Variants in SMIM14 observed in about 807,000 individuals in gnomAD.
The protein encoded by SMIM14 is chromosome 4 open reading frame 34.
Under a neutral mutation model 12.6 loss-of-function variants are expected in SMIM14, and 5 were observed. That is an observed-to-expected ratio of 0.40 (90% CI 0.21 to 0.83). The LOEUF is 0.83. Among genes scored for constraint, SMIM14 ranks in the 40% least tolerant of loss-of-function variants. The pLI, the probability that SMIM14 is intolerant of heterozygous loss-of-function variation, is 0.37. For synonymous variants in SMIM14, 30 were observed against 40.1 expected, an observed-to-expected ratio of 0.75 and a Z score of 0.95; for missense variants, 86 against 119.1, an observed-to-expected ratio of 0.72 and a Z score of 1.29.
chr4:39,577,357 G>A (rs1713257296), intron 2 of SMIM14, among the ~76,000 whole-genome samples: 1 of 151,936 alleles, frequency 6.6e-6, no homozygotes, highest in African/African-American at 2.4e-5. Context: ...AAAAGCAGGA[G>A]TCAAATTATG....
intron 3 of SMIM14, among the ~76,000 whole-genome samples, chr4:39,557,066 G>A (rs374039355): frequency 1.4e-5 from 2 of 147,866 alleles, no homozygotes; most frequent in Non-Finnish European, 3.0e-5. Context: ...CAAGGCCAGA[G>A]TGCAGTGGGA....
chr4:39,629,423 T>C (rs1033867020), intron 1 of SMIM14, among the ~76,000 whole-genome samples: 3 of 144,926 alleles, frequency 2.1e-5, no homozygotes, highest in Non-Finnish European at 4.5e-5. Context: ...TCCCACATAA[T>C]AGTGCATACA....
intron 2 of SMIM14, among the ~76,000 whole-genome samples, chr4:39,575,749 ATTTT>A (rs35325470): frequency 0.018 from 2,339 of 132,176 alleles, 67 homozygotes; most frequent in African/African-American, 0.061. Context: ...ATGCCCAGCT[ATTTT>A]TTTTTTTTTT....
At chr4:39,566,463 A>C (rs555183770) in intron 3 of SMIM14, among the ~76,000 whole-genome samples, 81 of 152,260 alleles carry the variant, frequency 5.3e-4, no homozygotes, top group Non-Finnish European at 8.5e-4. Flanking sequence ...CCAGGGGCTA[A>C]GTCCTGGAGC....
At chr4:39,561,670 A>G (rs1712314933) in intron 3 of SMIM14, among the ~76,000 whole-genome samples, 1 of 152,180 alleles carries the variant, frequency 6.6e-6, no homozygotes, top group Non-Finnish European at 1.5e-5. Flanking sequence ...CTGTAGTCCC[A>G]GCACTTTGGG....
chr4:39,592,349 C>T (rs1239662191), intron 2 of SMIM14, among the ~76,000 whole-genome samples: 3 of 150,994 alleles, frequency 2.0e-5, no homozygotes, highest in South Asian at 2.1e-4. Context: ...ACAATCCTCC[C>T]GCCTCTGCCT....
rs1432369898 is a variant in SMIM14, at chr4:39,581,518, C to CTTTTTTTTTT, written c.76-9065_76-9056dup. Among the ~76,000 whole-genome samples, 210 of 132,036 alleles carry CTTTTTTTTTT rather than the reference C, an allele frequency of 1.6e-3. 4 individuals are homozygous for CTTTTTTTTTT. Among genetic ancestry groups the CTTTTTTTTTT allele is most frequent in the East Asian group, 0.011 (46 of 4,284 alleles). The allele number at this position is 132,036 out of a possible 152,430, so 86.6% of individuals were successfully genotyped here. A position where few individuals can be genotyped will look rare whatever the true frequency, so the allele number is the denominator to read the frequency against. ...TTTTCGTTTTTTTCCTTTTCTTTTTCTTTTTTTTTTTTTTTGAGACAGGGT... is the reference window on the plus strand; with the variant it reads ...TTTTCGTTTTTTTCCTTTTCTTTTTCTTTTTTTTTTTTTTTTTTTTTTTTTGAGACAGGGT... On this transcript the variant is annotated intron_variant, in intron 2 of 4. Coordinates refer to ENST00000295958, the MANE Select transcript of SMIM14 (RefSeq NM_174921.3).
chr4:39,615,436 T>C (rs765350231), intron 1 of SMIM14, among the ~76,000 whole-genome samples: 1 of 152,224 alleles, frequency 6.6e-6, no homozygotes, highest in Non-Finnish European at 1.5e-5. Flanking sequence ...TGTATACTAC[T>C]ACAGTGGTAG....
chr4:39,617,246 GCAAATAGTCC>G (rs1294449310), intron 1 of SMIM14, among the ~76,000 whole-genome samples: 1 of 152,154 alleles, frequency 6.6e-6, no homozygotes, highest in Non-Finnish European at 1.5e-5. Context: ...AGAGATGTTT[GCAAATAGTCC>G]CAAACCTTAA....
At chr4:39,556,141 C>A (rs764292806) in intron 4 of SMIM14, among the ~76,000 whole-genome samples, 1 of 145,544 alleles carries the variant, frequency 6.9e-6, no homozygotes, top group Non-Finnish European at 1.5e-5. Context: ...CCAGCCTGGG[C>A]GGCACAGCAA....
intron 1 of SMIM14, among the ~76,000 whole-genome samples, chr4:39,637,668 G>A (rs1323570837): frequency 6.6e-6 from 1 of 152,000 alleles, no homozygotes; most frequent in Non-Finnish European, 1.5e-5. Flanking sequence ...GCCGCGGAGA[G>A]CGGCAAGTTC....
At chr4:39,606,396 A>T (rs186244302) in intron 1 of SMIM14, among the ~76,000 whole-genome samples, 13 of 151,780 alleles carry the variant, frequency 8.6e-5, no homozygotes, top group African/African-American at 3.1e-4. Flanking sequence ...TAATCCCAGC[A>T]CTTTGGGAGG....
intron 3 of SMIM14, among the ~76,000 whole-genome samples, chr4:39,564,575 T>C (rs79796908): frequency 0.013 from 1,975 of 152,304 alleles, 57 homozygotes; most frequent in East Asian, 0.12. Flanking sequence ...TACTTTCATA[T>C]TGTGTTCTGC....
At position 39,551,848 on chromosome 4, in the gene SMIM14, A is replaced by G. The variant is rs796473226; in HGVS notation, c.*278T>C. On this transcript the variant is annotated 3_prime_UTR_variant, in exon 5 of 5. Coordinates refer to ENST00000295958, the MANE Select transcript of SMIM14 (RefSeq NM_174921.3). ...TATAATCACAGTTACAAACAGAATG[A>G]GTGGAATGTTTGTAAGTTTAGGACA... The G allele has an allele frequency of 6.5e-5, 18 of 275,274 alleles. No individual in the cohort carries two copies. The highest frequency in any genetic ancestry group is 3.5e-4 in the African/African-American group (16 of 45,556). The allele number at this position is 275,274 out of a possible 1,614,324, so 17.1% of individuals were successfully genotyped here.
chr4:39,621,116 A>G (rs2110074461), intron 1 of SMIM14: 1 of 152,288 alleles, frequency 6.6e-6, no homozygotes, highest in African/African-American at 2.4e-5. Flanking sequence ...GCAGTTAAGG[A>G]GGAAAAAAAT....
intron 1 of SMIM14, among the ~76,000 whole-genome samples, chr4:39,612,534 C>G (rs530409906): frequency 6.6e-6 from 1 of 152,306 alleles, no homozygotes; most frequent in South Asian, 2.1e-4. Context: ...CTTCCTTACT[C>G]CTGACGTGTA....
At chr4:39,578,011 T>A (rs779369778) in intron 2 of SMIM14, among the ~76,000 whole-genome samples, 1 of 152,230 alleles carries the variant, frequency 6.6e-6, no homozygotes, top group Non-Finnish European at 1.5e-5. Context: ...TTAAGGTTTT[T>A]GGCAAAGCAG....
intron 4 of SMIM14, among the ~76,000 whole-genome samples, chr4:39,554,710 A>T (rs1303331243): frequency 8.9e-5 from 13 of 146,524 alleles, no homozygotes; most frequent in African/African-American, 3.3e-4. Flanking sequence ...TTAATTATAA[A>T]TTTTAACATT....
At chr4:39,617,404 A>G (rs1715265189) in intron 1 of SMIM14, among the ~76,000 whole-genome samples, 1 of 152,222 alleles carries the variant, frequency 6.6e-6, no homozygotes, top group Non-Finnish European at 1.5e-5. Context: ...TAACTTTGTA[A>G]AAGAATAATC....
Sources: allele counts gnomAD v4.1 joint callset (sites outside exome capture counted in the v4.1 genomes callset), GRCh38; gene constraint gnomAD v4.1.1; transcripts MANE v1.5; gene names NCBI Gene and HGNC (gene_info 2026-07-23, HGNC 2026-07-21).